The following PCNA variants were observed in gnomAD, a reference collection of about 807,000 sequenced individuals.
The protein encoded by PCNA is proliferating cell nuclear antigen.
PCNA carries 4 observed loss-of-function variants against 27.8 expected under a neutral mutation model. The ratio of observed to expected loss-of-function variants is 0.14; its 90% CI spans 0.07 to 0.33. The LOEUF is 0.33. Ranked by LOEUF, PCNA falls within the 10% of genes least tolerant of loss-of-function variation. The pLI, the probability that PCNA is intolerant of heterozygous loss-of-function variation, is 1.00. For missense variants in PCNA, 165 were observed against 327.4 expected, an observed-to-expected ratio of 0.50 and a Z score of 3.83; for synonymous variants, 121 against 119.4, an observed-to-expected ratio of 1.01 and a Z score of -0.09.
chr20:5,120,636 T>C (rs2090512900), upstream of PCNA, among the ~76,000 whole-genome samples: 1 of 152,198 alleles, frequency 6.6e-6, no homozygotes, highest in Admixed American at 6.5e-5. Flanking sequence ...GTACATCTTT[T>C]ATCATATCAG....
chr20:5,124,791 A>G (rs1018716455), upstream of PCNA, among the ~76,000 whole-genome samples: 1 of 152,138 alleles, frequency 6.6e-6, no homozygotes, highest in African/African-American at 2.4e-5. Flanking sequence ...AGTTCCATTA[A>G]CCTGAGAGGG....
At chr20:5,125,007 A>G (rs2090537680) in intron 1 of PCNA, among the ~76,000 whole-genome samples, 1 of 152,200 alleles carries the variant, frequency 6.6e-6, no homozygotes. Flanking sequence ...GTGCCCCTGA[A>G]GGTGAAGTTC....
In PCNA at chr20:5,115,129, G is replaced by C; in HGVS notation, c.*154C>G. On this transcript the variant is annotated 3_prime_UTR_variant, in exon 6 of 6. Transcript: ENST00000379143. ...CTTTATTCTTTAAACAAATTGCAGA[G>C]AATAGAGAAAAAAATAGGTTATTTA... The C allele has an allele frequency of 1.7e-6, 1 of 578,284 alleles. No homozygotes were observed. The allele number at this position is 578,284 out of a possible 1,614,324, so 35.8% of individuals were successfully genotyped here.
upstream of PCNA, among the ~76,000 whole-genome samples, chr20:5,121,926 CA>C (rs2090520663): frequency 6.6e-6 from 1 of 151,150 alleles, no homozygotes; most frequent in Non-Finnish European, 1.5e-5. Flanking sequence ...TGCCCAGCCT[CA>C]AACTGTTACA....
intron 3 of PCNA, among the ~76,000 whole-genome samples, chr20:5,118,182 C>T (rs114564005): frequency 2.2e-3 from 339 of 152,326 alleles, no homozygotes; most frequent in African/African-American, 7.7e-3. Context: ...GAGTTTTAGA[C>T]TTGTGGTGAA....
upstream of PCNA, chr20:5,121,573 A>G (rs1398043562): frequency 1.3e-5 from 2 of 152,654 alleles, no homozygotes; most frequent in Admixed American, 6.5e-5. Flanking sequence ...GATGCCTTCA[A>G]TTGTAATATG....
chr20:5,119,450 C>T, intron 1 of PCNA, 128 bp downstream of exon 1: 1 of 741,658 alleles, frequency 1.3e-6, no homozygotes, highest in South Asian at 1.8e-5. Flanking sequence ...CACCCCACTG[C>T]GTGGCAGGCC....
rs1456918930 is a variant in PCNA at position 5,119,854 on chromosome 20, C to G, written c.-56G>C. ...GCAGGCGGGAAGGAGGAAAGTCTAG[C>G]TGGTTTCGGCTTCAGGAGCCTCAGA... On this transcript the variant is annotated 5_prime_UTR_variant, in exon 1 of 6. Coordinates refer to ENST00000379143, the MANE Select transcript of PCNA (RefSeq NM_182649.2). 1.4e-6 allele frequency: 2 copies of G among 1,409,326 alleles called. No individual in the cohort carries two copies. The highest frequency in any genetic ancestry group is 2.0e-5 in the Admixed American group (1 of 50,610). The allele number at this position is 1,409,326 out of a possible 1,614,324, so 87.3% of individuals were successfully genotyped here.
At chr20:5,119,278 C>T (rs879413054) in intron 1 of PCNA, among the ~76,000 whole-genome samples, 10 of 152,116 alleles carry the variant, frequency 6.6e-5, no homozygotes, top group South Asian at 2.1e-4. Flanking sequence ...CATTCAAGGC[C>T]AACAGGATTT....
chr20:5,119,748 C>G lies in PCNA; in HGVS notation c.51G>C (p.Glu17Asp). The G allele has an allele frequency of 6.3e-7, 1 of 1,588,446 alleles. No homozygotes were observed. The highest frequency in any genetic ancestry group is 8.6e-7 in the Non-Finnish European group (1 of 1,167,382). ...VQGSILKKVL[E>D]ALKDLINEAC... is the part of the protein sequence containing the mutation. ...CCTCGTTGATGAGGTCCTTGAGTGC[C>G]TCCAACACCTTCTTGAGGATGGAGC... Residue 17 changes from glutamate (E) to aspartate (D), a missense_variant, in exon 1 of 6, where the codon GAG becomes GAC. Transcript: ENST00000379143.
chr20:5,118,956 C>A, intron 1 of PCNA, 90 bp from the exon 2 acceptor site: 1 of 803,744 alleles, frequency 1.2e-6, no homozygotes. Flanking sequence ...ACCACTCTCA[C>A]CCATCAGGCC....
chr20:5,125,918 T>C (rs2090544897), intron 1 of PCNA, among the ~76,000 whole-genome samples: 1 of 152,056 alleles, frequency 6.6e-6, no homozygotes, highest in Non-Finnish European at 1.5e-5. Flanking sequence ...GGTCTTTCCA[T>C]AGTCCAGAAG....
At chr20:5,115,898 T>G (rs2090471422) in intron 4 of PCNA, among the ~76,000 whole-genome samples, 1 of 152,174 alleles carries the variant, frequency 6.6e-6, no homozygotes, top group Non-Finnish European at 1.5e-5. Flanking sequence ...ACAATGACTA[T>G]TATAGCTGCT....
chr20:5,125,411 CAG>C (rs1187778421), intron 1 of PCNA, among the ~76,000 whole-genome samples: 2 of 152,062 alleles, frequency 1.3e-5, no homozygotes, highest in East Asian at 3.9e-4. Context: ...CTCTTGAACC[CAG>C]GAGTTCAAGA....
chr20:5,119,944 C>G lies in PCNA; in HGVS notation c.-146G>C, dbSNP rs574671553. ...AAAGACAACGACCACTCTGCTACGC[C>G]TGCAACCGTTTAATGCCGCCGCGTC... On this transcript the variant is annotated 5_prime_UTR_variant, in exon 1 of 6. Transcript: ENST00000379143. 9 of 653,738 alleles carry G rather than the reference C, an allele frequency of 1.4e-5. No homozygotes were observed. Among genetic ancestry groups the G allele is most frequent in the Admixed American group, 2.7e-5 (1 of 37,252 alleles). 40.5% of individuals were successfully genotyped at this position (653,738 alleles called of 1,614,324 possible). A position where few individuals can be genotyped will look rare whatever the true frequency, so the allele number is the denominator to read the frequency against.
rs375390725 is a variant in PCNA at position 5,119,846 on chromosome 20, A to G, written c.-48T>C. ...CGCTACAGGCAGGCGGGAAGGAGGA[A>G]AGTCTAGCTGGTTTCGGCTTCAGGA... is the stretch of plus-strand genomic sequence containing the variant. On this transcript the variant is annotated 5_prime_UTR_variant, in exon 1 of 6. Transcript: ENST00000379143. 2.1e-6 allele frequency: 3 copies of G among 1,461,084 alleles called. No individual in the cohort carries two copies. Among genetic ancestry groups the G allele is most frequent in the Non-Finnish European group, 2.8e-6 (3 of 1,067,772 alleles). The allele number at this position is 1,461,084 out of a possible 1,614,324, so 90.5% of individuals were successfully genotyped here. A position where few individuals can be genotyped will look rare whatever the true frequency, so the allele number is the denominator to read the frequency against.
At chr20:5,122,174 G>C (rs1318033756), upstream of PCNA, among the ~76,000 whole-genome samples, 3 of 151,934 alleles carry the variant, frequency 2.0e-5, no homozygotes, top group Admixed American at 2.0e-4. Context: ...TAGAGACGGG[G>C]TTTTGCCATG....
intron 1 of PCNA, among the ~76,000 whole-genome samples, chr20:5,125,536 A>G (rs960655837): frequency 2.6e-5 from 4 of 152,200 alleles, no homozygotes; most frequent in African/African-American, 9.7e-5. Context: ...TTAAAAAACG[A>G]AATTGCAATT....
chr20:5,121,967 T>C (rs961209128), upstream of PCNA, among the ~76,000 whole-genome samples: 54 of 150,644 alleles, frequency 3.6e-4, 1 homozygote, highest in African/African-American at 1.2e-3. Context: ...ATTTCTTTTT[T>C]TTTTTCTTTT....
Sources: gnomAD v4.1 joint callset for allele counts (sites outside exome capture counted in the v4.1 genomes callset) on GRCh38, gnomAD v4.1.1 for gene constraint, MANE v1.5 for transcripts, NCBI Gene and HGNC (gene_info 2026-07-23, HGNC 2026-07-21) for gene names.